ELMO1: variants seen among roughly 807,000 people sequenced by gnomAD.
The protein encoded by ELMO1 is engulfment and cell motility protein 1.
A neutral mutation model predicts 98.9 loss-of-function variants in ELMO1; 26 were observed. The ratio of observed to expected loss-of-function variants is 0.26; its 90% CI spans 0.19 to 0.36. ELMO1 has a LOEUF of 0.36. Ranked by LOEUF, ELMO1 falls within the 10% of genes least tolerant of loss-of-function variation. The pLI is 1.00. For synonymous variants in ELMO1, 346 were observed against 346.0 expected (o/e 1.00, Z 0.00); for missense variants, 627 against 935.2 (o/e 0.67, Z 4.30).
chr7:37,259,171 A>G lies in ELMO1; in HGVS notation c.413+10T>C, dbSNP rs752322462. 1 of 1,599,500 alleles carries G rather than the reference A, an allele frequency of 6.3e-7. No homozygotes were observed. On this transcript the variant is annotated intron_variant, in intron 6 of 21. Transcript: ENST00000310758. Reference sequence around the variant, plus strand: ...GGACAGCTGTGGAAGTTAGGAAAAAAGACGCTTACTCAGTGCCGCTCTCCA... The same window carrying G: ...GGACAGCTGTGGAAGTTAGGAAAAAGGACGCTTACTCAGTGCCGCTCTCCA...
At chr7:37,064,150 G>A (rs571449596) in intron 15 of ELMO1, among the ~76,000 whole-genome samples, 1 of 152,016 alleles carries the variant, frequency 6.6e-6, no homozygotes, top group African/African-American at 2.4e-5. Flanking sequence ...CCATCACCTG[G>A]GCCCTTGACA....
In ELMO1 at chr7:37,199,607, G is replaced by A. The variant is rs866740137; in HGVS notation, c.1086+11779C>T. 1.6e-4 allele frequency among the ~76,000 whole-genome samples: 24 copies of A among 152,316 alleles called. 1 individual carries two copies. In the South Asian group the frequency reaches 2.7e-3, roughly 17 times the overall value. The stretch of plus-strand genomic sequence containing the variant: ...TCCCCATGCCGGAGTAGGAAGAAGG[G>A]AGTAACATATCCCATACGAAAGTCA... On this transcript the variant is annotated intron_variant, in intron 13 of 21. Transcript: ENST00000310758.
intron 16 of ELMO1, among the ~76,000 whole-genome samples, chr7:36,966,222 T>G (rs1243206545): frequency 6.6e-6 from 1 of 152,208 alleles, no homozygotes; most frequent in African/African-American, 2.4e-5. Context: ...CACACCACAA[T>G]GGAATTCTGC....
chr7:36,863,747 C>T (rs1802813645), intron 20 of ELMO1, among the ~76,000 whole-genome samples: 1 of 152,038 alleles, frequency 6.6e-6, no homozygotes, highest in African/African-American at 2.4e-5. Flanking sequence ...TGGACAGAGA[C>T]TGGAAAGAAA....
At chr7:36,965,396 T>C (rs1349707570) in intron 16 of ELMO1, among the ~76,000 whole-genome samples, 1 of 152,212 alleles carries the variant, frequency 6.6e-6, no homozygotes, top group Non-Finnish European at 1.5e-5. Context: ...CCCTAGGTTA[T>C]ACAGAAGAAA....
At chr7:37,274,640 C>T (rs1304551056) in intron 4 of ELMO1, among the ~76,000 whole-genome samples, 1 of 152,160 alleles carries the variant, frequency 6.6e-6, no homozygotes, top group Non-Finnish European at 1.5e-5. Flanking sequence ...GTAACCTCCA[C>T]CTCCCAGGTT....
intron 18 of ELMO1, among the ~76,000 whole-genome samples, chr7:36,879,083 T>C (rs6960706): frequency 0.087 from 13,196 of 152,280 alleles, 667 homozygotes; most frequent in South Asian, 0.19. Flanking sequence ...TTTCCCATTA[T>C]CTGCTACAGA....
intron 13 of ELMO1, among the ~76,000 whole-genome samples, chr7:37,182,184 C>G (rs73339752): frequency 6.6e-6 from 1 of 152,090 alleles, no homozygotes; most frequent in Non-Finnish European, 1.5e-5. Flanking sequence ...CCCCTGGTGA[C>G]GACATGAGGT....
chr7:36,874,330 A>G (rs1803772746), intron 19 of ELMO1, among the ~76,000 whole-genome samples: 2 of 152,198 alleles, frequency 1.3e-5, no homozygotes, highest in South Asian at 4.1e-4. Context: ...ATCTTTCTCT[A>G]CTATTTACTA....
At chr7:37,255,380 T>C (rs1039044637) in intron 6 of ELMO1, among the ~76,000 whole-genome samples, 3 of 152,206 alleles carry the variant, frequency 2.0e-5, no homozygotes, top group Admixed American at 2.0e-4. Flanking sequence ...ACCTTGATCA[T>C]GGACTTGCAG....
chr7:37,032,908 G>A (rs761839835), intron 15 of ELMO1, among the ~76,000 whole-genome samples: 3 of 152,210 alleles, frequency 2.0e-5, no homozygotes, highest in African/African-American at 2.4e-5. Flanking sequence ...AGTGTCTGGA[G>A]AGTCCAGGGG....
At chr7:37,266,104 T>A (rs190248775) in intron 5 of ELMO1, among the ~76,000 whole-genome samples, 2 of 152,282 alleles carry the variant, frequency 1.3e-5, no homozygotes, top group African/African-American at 4.8e-5. Context: ...AGCCTGGGGA[T>A]CCTGTGTCGC....
intron 15 of ELMO1, among the ~76,000 whole-genome samples, chr7:37,058,977 C>T (rs895850678): frequency 6.6e-6 from 1 of 152,172 alleles, no homozygotes; most frequent in African/African-American, 2.4e-5. Context: ...CCATTAGGCA[C>T]AGTATCGCCA....
At chr7:37,361,107 T>G (rs1171672468) in intron 1 of ELMO1, among the ~76,000 whole-genome samples, 1 of 152,202 alleles carries the variant, frequency 6.6e-6, no homozygotes, top group Non-Finnish European at 1.5e-5. Context: ...TTTTTAAAAA[T>G]ATTAAGTACA....
intron 16 of ELMO1, among the ~76,000 whole-genome samples, chr7:36,987,489 A>G (rs372773277): frequency 2.6e-5 from 4 of 152,158 alleles, no homozygotes; most frequent in African/African-American, 9.7e-5. Context: ...TCTCTGCCCT[A>G]TCGTCATCTG....
rs567284054 is a variant in ELMO1 at position 36,853,441 on chromosome 7, T to C, written c.*2110A>G. Among the ~76,000 whole-genome samples the C allele has an allele frequency of 2.0e-5, 3 of 152,254 alleles. No individual in the cohort carries two copies. The highest frequency in any genetic ancestry group is 2.1e-4 in the South Asian group (1 of 4,826). ...CTTGTAACCCATAAGAAAAAAATAA[T>C]ATGACTTTGTTTGCTGCCTTTGACC... On this transcript the variant is annotated 3_prime_UTR_variant, in exon 22 of 22. Coordinates refer to ENST00000310758, the MANE Select transcript of ELMO1 (RefSeq NM_014800.11).
intron 4 of ELMO1, among the ~76,000 whole-genome samples, chr7:37,297,474 T>A (rs1267243322): frequency 6.6e-6 from 1 of 152,122 alleles, no homozygotes; most frequent in Admixed American, 6.5e-5. Context: ...GGGTCCTCCA[T>A]AAATGATGGC....
intron 7 of ELMO1, among the ~76,000 whole-genome samples, chr7:37,241,909 C>T (rs927940725): frequency 6.6e-5 from 10 of 152,130 alleles, no homozygotes; most frequent in Non-Finnish European, 1.3e-4. Context: ...AGTAAAACTA[C>T]ATTTTGTCTT....
At chr7:36,903,944 G>T (rs1400022996) in intron 16 of ELMO1, among the ~76,000 whole-genome samples, 3 of 152,232 alleles carry the variant, frequency 2.0e-5, no homozygotes, top group Non-Finnish European at 4.4e-5. Context: ...CTCTCAGCCT[G>T]CTTGGGCGGG....
Sources: allele counts gnomAD v4.1 joint callset (sites outside exome capture counted in the v4.1 genomes callset), GRCh38; gene constraint gnomAD v4.1.1; transcripts MANE v1.5; gene names NCBI Gene and HGNC (gene_info 2026-07-23, HGNC 2026-07-21).